ZZEF1: variants seen among roughly 807,000 people sequenced by gnomAD.
ZZEF1 encodes zinc finger ZZ-type and EF-hand domain containing 1.
Under a neutral mutation model 342.8 loss-of-function variants are expected in ZZEF1, and 157 were observed. The ratio of observed to expected loss-of-function variants is 0.46; its 90% confidence interval spans 0.40 to 0.52. The LOEUF (loss-of-function observed/expected upper bound fraction) is 0.52, where lower values mean the gene tolerates loss of function less well. Ranked by LOEUF, ZZEF1 falls within the 20% of genes least tolerant of loss-of-function variation. The probability of loss-of-function intolerance (pLI) is 0.00; values close to 1 mark genes in which losing one functional copy is unlikely to be tolerated. For missense variants in ZZEF1, 3,480 were observed against 3,725.6 expected (o/e 0.93, Z 1.72); for synonymous variants, 1,505 against 1,429.1 (o/e 1.05, Z -1.20).
intron 8 of ZZEF1, among the ~76,000 whole-genome samples, chr17:4,104,428 A>G (rs190367253): frequency 8.5e-4 from 129 of 152,314 alleles, no homozygotes; most frequent in African/African-American, 3.0e-3. Flanking sequence ...TGATACTGCC[A>G]TCACATAAAT....
intron 39 of ZZEF1, among the ~76,000 whole-genome samples, chr17:4,037,698 C>T (rs1164418113): frequency 1.3e-5 from 2 of 152,186 alleles, no homozygotes; most frequent in Non-Finnish European, 2.9e-5. Context: ...ATCCTCCTGC[C>T]TCAGCCTCCC....
At chr17:4,100,275 A>C (rs1178731632) in intron 9 of ZZEF1, among the ~76,000 whole-genome samples, 1 of 152,196 alleles carries the variant, frequency 6.6e-6, no homozygotes. Context: ...CAGTGCAGCA[A>C]GAGAGACCGA....
intron 52 of ZZEF1, among the ~76,000 whole-genome samples, chr17:4,012,238 T>C (rs1485011046): frequency 6.6e-6 from 1 of 152,174 alleles, no homozygotes. Context: ...GCTAAGCCCA[T>C]GTGGGGCTGA....
intron 13 of ZZEF1, 30 bp from the exon 14 acceptor site, chr17:4,087,564 A>G: frequency 6.4e-7 from 1 of 1,562,496 alleles, no homozygotes; most frequent in South Asian, 1.2e-5. Flanking sequence ...AGAATAAATA[A>G]AACTGAAAAA....
rs184629830 is a variant in ZZEF1, at chr17:4,096,764, C to T, written c.1673-64G>A. 1,708 of 1,291,620 alleles carry T rather than the reference C, an allele frequency of 1.3e-3. 4 individuals carry two copies. Among genetic ancestry groups the T allele is most frequent in the Admixed American group, 1.9e-3 (111 of 57,690 alleles). 80.0% of individuals were successfully genotyped at this position (1,291,620 alleles called of 1,614,324 possible). The stretch of plus-strand genomic sequence containing the variant: ...TTTTTATAGCCCTAAGAACTAAGAT[C>T]AACAAAAACAAACCATATCCTTTGA... On this transcript the variant is annotated intron_variant, in intron 9 of 54. Transcript: ENST00000381638.
intron 49 of ZZEF1, among the ~76,000 whole-genome samples, chr17:4,015,233 G>A (rs891679549): frequency 6.6e-6 from 1 of 152,234 alleles, no homozygotes; most frequent in Non-Finnish European, 1.5e-5. Flanking sequence ...GAACCTGGTG[G>A]CTGACCACAT....
In ZZEF1 at chr17:4,142,595, G is replaced by A; in HGVS notation, c.301C>T (p.Arg101Trp). 1.2e-6 allele frequency: 2 copies of A among 1,604,742 alleles called. No homozygotes were observed. The highest frequency in any genetic ancestry group is 1.7e-6 in the Non-Finnish European group (2 of 1,179,662). ...GCGCCGCGAGCCTCCAGCAGCTCCC[G>A]GAACTGCTCCAGAGTGACAGACTCT... Reference protein sequence around the residue: ...GEESVTLEQFRELLEARGAGC... With the variant: ...GEESVTLEQFWELLEARGAGC... The change falls in exon 1 of 55, where the codon CGG (arginine) becomes TGG (tryptophan). Residue 101 changes from arginine to tryptophan, a missense_variant. Physicochemically the swap from Arg to Trp is moderately radical, Grantham distance 101. Coordinates refer to ENST00000381638, the MANE Select transcript of ZZEF1 (RefSeq NM_015113.4).
At chr17:4,100,183 G>T (rs1401174918) in intron 9 of ZZEF1, among the ~76,000 whole-genome samples, 1 of 152,128 alleles carries the variant, frequency 6.6e-6, no homozygotes, top group Non-Finnish European at 1.5e-5. Flanking sequence ...TCCGATAAGG[G>T]GAAGAAAAAA....
chr17:4,013,957 G>T, intron 51 of ZZEF1, 133 bp downstream of exon 51: 1 of 857,038 alleles, frequency 1.2e-6, no homozygotes, highest in African/African-American at 1.7e-5. Context: ...TGGGGCTTGT[G>T]AGACAAATTT....
chr17:4,023,656 C>CAAA (rs71144154), intron 43 of ZZEF1, among the ~76,000 whole-genome samples: 916 of 71,114 alleles, frequency 0.013, 98 homozygotes, highest in East Asian at 0.013. Context: ...CCTGTCTCTC[C>CAAA]AAAAAAAAAA....
chr17:4,019,778 C>A lies in ZZEF1; in HGVS notation c.7405-9G>T, dbSNP rs778524992. The A allele has an allele frequency of 6.3e-7, 1 of 1,598,432 alleles. No homozygotes were observed. Among genetic ancestry groups the A allele is most frequent in the African/African-American group, 1.4e-5 (1 of 74,016 alleles). ...AGGGCATCATGAGCCATCTGGAGGC[C>A]AGGGGAGGACGCAGACAAGAACCAT... On this transcript the variant is annotated splice_polypyrimidine_tract_variant and intron_variant, in intron 45 of 54. Coordinates refer to ENST00000381638, the MANE Select transcript of ZZEF1 (RefSeq NM_015113.4).
chr17:4,095,615 G>A (rs769981921), intron 11 of ZZEF1, among the ~76,000 whole-genome samples: 7 of 152,068 alleles, frequency 4.6e-5, no homozygotes, highest in Non-Finnish European at 1.0e-4. Context: ...GCCACAAAAG[G>A]GACTGAGTAA....
At chr17:4,049,178 T>TA (rs1256160875) in intron 37 of ZZEF1, among the ~76,000 whole-genome samples, 1 of 152,132 alleles carries the variant, frequency 6.6e-6, no homozygotes, top group Non-Finnish European at 1.5e-5. Context: ...ACAATAAGCC[T>TA]ATGTTACAAG....
At chr17:4,091,038 T>G (rs1474243398) in intron 11 of ZZEF1, among the ~76,000 whole-genome samples, 1 of 152,164 alleles carries the variant, frequency 6.6e-6, no homozygotes, top group Non-Finnish European at 1.5e-5. Context: ...CTCTATGAAC[T>G]GGGAAATATA....
In ZZEF1 at chr17:4,082,419, A is replaced by C. The variant is rs1248515027; in HGVS notation, c.2714+18T>G. The C allele has an allele frequency of 6.2e-7, 1 of 1,613,428 alleles. No homozygotes were observed. Among genetic ancestry groups the C allele is most frequent in the Admixed American group, 1.7e-5 (1 of 60,010 alleles). ...AAGATTTGAGTTATCCGACAATTAA[A>C]AAGAACGATCAGCTTACCTAAAATA... On this transcript the variant is annotated intron_variant, in intron 17 of 54. Coordinates refer to ENST00000381638, the MANE Select transcript of ZZEF1 (RefSeq NM_015113.4).
intron 6 of ZZEF1, among the ~76,000 whole-genome samples, chr17:4,106,292 T>C (rs1342289762): frequency 6.6e-6 from 1 of 152,094 alleles, no homozygotes; most frequent in East Asian, 1.9e-4. Context: ...AGTAGTTTAA[T>C]AGGGTTTTGT....
At chr17:4,094,920 A>T (rs1294619624) in intron 11 of ZZEF1, among the ~76,000 whole-genome samples, 1 of 152,086 alleles carries the variant, frequency 6.6e-6, no homozygotes, top group Non-Finnish European at 1.5e-5. Context: ...CATACTACAC[A>T]CAACATGATC....
chr17:4,031,934 A>C (rs904711638), intron 42 of ZZEF1, among the ~76,000 whole-genome samples, 192 bp downstream of exon 42: 3 of 152,206 alleles, frequency 2.0e-5, no homozygotes, highest in Non-Finnish European at 2.9e-5. Flanking sequence ...CAGCATGGAA[A>C]GGGGCCTTTG....
Position 4,014,382 on chromosome 17 carries a change from C to G in ZZEF1, c.8279G>C (p.Gly2760Ala). The change falls in exon 50 of 55, where the codon GGG (glycine) becomes GCG (alanine). Residue 2760 changes from glycine to alanine, a missense_variant. Gly to Ala is a moderately conservative substitution (Grantham distance 60). Coordinates refer to ENST00000381638, the MANE Select transcript of ZZEF1 (RefSeq NM_015113.4). The surrounding 1 kb of genome is among the most constrained non-coding windows in gnomAD (Gnocchi z 4.4). ...DFQQDRHSFS[G>A]SQQKWKDFEL... ...AAAATCTTTCCACTTCTGCTGAGACCCGCTGAAGCTGTGTCGGTCTTGCTG... is the reference window on the plus strand; with the variant it reads ...AAAATCTTTCCACTTCTGCTGAGACGCGCTGAAGCTGTGTCGGTCTTGCTG... 1 of 1,614,234 alleles carries G rather than the reference C, an allele frequency of 6.2e-7. No individual in the cohort carries two copies. Among genetic ancestry groups the G allele is most frequent in the Non-Finnish European group, 8.5e-7 (1 of 1,180,044 alleles).
Sources: allele counts gnomAD v4.1 joint callset (sites outside exome capture counted in the v4.1 genomes callset), GRCh38; gene constraint gnomAD v4.1.1; non-coding constraint Gnocchi (gnomAD v3.1); transcripts MANE v1.5; gene names NCBI Gene and HGNC (gene_info 2026-07-23, HGNC 2026-07-21).